DYNC2H1: variants seen among roughly 807,000 people sequenced by gnomAD.
DYNC2H1 encodes dynein cytoplasmic 2 heavy chain 1.
DYNC2H1 carries 410 observed loss-of-function variants against 570.0 expected under a neutral mutation model. The ratio of observed to expected loss-of-function variants is 0.72; its 90% CI spans 0.66 to 0.78. DYNC2H1 has a LOEUF of 0.78. Ranked by LOEUF, DYNC2H1 falls within the 30% of genes least tolerant of loss-of-function variation. The pLI is 0.00. For synonymous variants in DYNC2H1, 1,688 were observed against 1,677.6 expected, an observed-to-expected ratio of 1.01 and a Z score of -0.15; for missense variants, 4,865 against 5,046.4, an observed-to-expected ratio of 0.96 and a Z score of 1.09.
chr11:103,242,617 A>G (rs942859081), intron 63 of DYNC2H1, among the ~76,000 whole-genome samples: 4 of 152,248 alleles, frequency 2.6e-5, no homozygotes, highest in African/African-American at 7.2e-5. Flanking sequence ...AATGATTGTT[A>G]AATGACTTTT....
At chr11:103,391,998 G>A (rs1942174055) in intron 83 of DYNC2H1, among the ~76,000 whole-genome samples, 2 of 152,182 alleles carry the variant, frequency 1.3e-5, no homozygotes, top group Admixed American at 1.3e-4. Flanking sequence ...ACTCCGTGCT[G>A]GGAGAACCAC....
chr11:103,376,709 T>C (rs1186280526), intron 83 of DYNC2H1, among the ~76,000 whole-genome samples: 2 of 152,236 alleles, frequency 1.3e-5, no homozygotes, highest in Non-Finnish European at 2.9e-5. Context: ...TACTAAAGGA[T>C]TGAAAGATTT....
rs1591553287 is a variant in DYNC2H1 at position 103,307,917 on chromosome 11, A to G, written c.11493+86A>G. The G allele has an allele frequency of 8.5e-6, 5 of 588,640 alleles. No homozygotes were observed. In the East Asian group the frequency reaches 1.2e-4, roughly 14 times the overall value. 36.5% of individuals were successfully genotyped at this position (588,640 alleles called of 1,614,324 possible). A position where few individuals can be genotyped will look rare whatever the true frequency, so the allele number is the denominator to read the frequency against. On this transcript the variant is annotated intron_variant, in intron 78 of 88. Coordinates refer to ENST00000375735, the MANE Select transcript of DYNC2H1 (RefSeq NM_001377.3). ...CTAAAACTTTGTAAACAACTATTATACAGAACACACAACTTCTTTTTACAT... is the reference window on the plus strand; with the variant it reads ...CTAAAACTTTGTAAACAACTATTATGCAGAACACACAACTTCTTTTTACAT...
chr11:103,202,525 A>G (rs1055853359), intron 50 of DYNC2H1, among the ~76,000 whole-genome samples: 1 of 151,988 alleles, frequency 6.6e-6, no homozygotes, highest in African/African-American at 2.4e-5. Context: ...ATTTTTTGCT[A>G]AATTTAAGGA....
At chr11:103,474,330 A>G (rs112120888) in intron 88 of DYNC2H1, among the ~76,000 whole-genome samples, 2 of 152,188 alleles carry the variant, frequency 1.3e-5, no homozygotes, top group African/African-American at 4.8e-5. Context: ...TTCCTCTTCT[A>G]AAAAAGAACT....
intron 84 of DYNC2H1, chr11:103,402,782 C>T (rs563897034): frequency 6.6e-6 from 1 of 152,100 alleles, no homozygotes; most frequent in African/African-American, 2.4e-5. Context: ...GTAATGTTGG[C>T]TGTTAATCAC....
chr11:103,287,571 A>G lies in DYNC2H1; in HGVS notation c.11061A>G (p.Gln3687=). The G allele has an allele frequency of 6.2e-7, 1 of 1,612,092 alleles. No individual in the cohort carries two copies. Among genetic ancestry groups the G allele is most frequent in the South Asian group, 1.1e-5 (1 of 90,482 alleles). Residue 3687 remains glutamine (Q), a synonymous_variant, in exon 75 of 89, where the codon CAA becomes CAG. Transcript: ENST00000375735. ...AGGCGCTAAGACCGGACAGATTGCA[A>G]AGTGCCATGGCTCTTTTTGCATGTA... ...VVQALRPDRL[Q]SAMALFACKT... is the part of the protein sequence containing the mutation.
intron 83 of DYNC2H1, among the ~76,000 whole-genome samples, chr11:103,383,478 AT>A (rs35091786): frequency 1.1e-4 from 9 of 82,522 alleles, no homozygotes; most frequent in Non-Finnish European, 1.7e-4. Context: ...TTAAATCTTT[AT>A]TTTTTTTTTT....
chr11:103,458,801 C>G (rs558749535), intron 87 of DYNC2H1, among the ~76,000 whole-genome samples: 274 of 152,190 alleles, frequency 1.8e-3, no homozygotes, highest in Non-Finnish European at 3.2e-3. Context: ...CCCTCTTACA[C>G]TATCATTCCT....
intron 65 of DYNC2H1, among the ~76,000 whole-genome samples, chr11:103,246,621 C>T (rs1463769202): frequency 6.6e-6 from 1 of 151,964 alleles, no homozygotes; most frequent in Non-Finnish European, 1.5e-5. Flanking sequence ...TTACTTTTTC[C>T]ATCTTCTCCG....
intron 70 of DYNC2H1, among the ~76,000 whole-genome samples, chr11:103,263,022 C>CAAA (rs35912109): frequency 9.8e-3 from 389 of 39,858 alleles, no homozygotes; most frequent in Non-Finnish European, 0.012. Context: ...AAATGGAAAG[C>CAAA]AAAAAAAAAA....
chr11:103,200,236 A>T, intron 50 of DYNC2H1, 82 bp downstream of exon 50: 3 of 1,113,414 alleles, frequency 2.7e-6, no homozygotes, highest in Middle Eastern at 2.4e-4. Flanking sequence ...TGCAAAATTT[A>T]TTTGTTTTGG....
intron 83 of DYNC2H1, among the ~76,000 whole-genome samples, chr11:103,392,163 C>T (rs547122410): frequency 5.9e-5 from 9 of 152,222 alleles, no homozygotes; most frequent in East Asian, 1.9e-4. Context: ...TCGAGCTTCC[C>T]GGCCACTTTG....
At chr11:103,340,021 C>A (rs7483407) in intron 82 of DYNC2H1, among the ~76,000 whole-genome samples, 32,968 of 152,028 alleles carry the variant, frequency 0.22, 3,697 homozygotes, top group Admixed American at 0.31. Flanking sequence ...AGTGCTATGA[C>A]GCCTGGGTTT....
At chr11:103,352,900 A>G (rs536368088) in intron 82 of DYNC2H1, among the ~76,000 whole-genome samples, 11 of 152,238 alleles carry the variant, frequency 7.2e-5, no homozygotes, top group Non-Finnish European at 1.3e-4. Flanking sequence ...AATCAACCCA[A>G]TGCCCATCAA....
chr11:103,437,884 T>A (rs542272532), intron 85 of DYNC2H1, among the ~76,000 whole-genome samples: 1 of 152,214 alleles, frequency 6.6e-6, no homozygotes, highest in South Asian at 2.1e-4. Context: ...AATATATCAG[T>A]GGTACTATAA....
rs928824114 is a variant in DYNC2H1, at chr11:103,209,141, T to TC, written c.8455-735_8455-734insC. Among the ~76,000 whole-genome samples, 1 of 104,770 alleles carries TC rather than the reference T, an allele frequency of 9.5e-6. No individual in the cohort carries two copies. Among genetic ancestry groups the TC allele is most frequent in the African/African-American group, 5.2e-5 (1 of 19,156 alleles). The allele number at this position is 104,770 out of a possible 152,430, so 68.7% of individuals were successfully genotyped here. A position where few individuals can be genotyped will look rare whatever the true frequency, so the allele number is the denominator to read the frequency against. ...TCAGTCTGAGAAATTTAAAAAATGATTTTTTGACCTAATTACCAAGATCAC... is the reference window on the plus strand; with the variant it reads ...TCAGTCTGAGAAATTTAAAAAATGATCTTTTTGACCTAATTACCAAGATCAC... On this transcript the variant is annotated intron_variant, in intron 52 of 88. Coordinates refer to ENST00000375735, the MANE Select transcript of DYNC2H1 (RefSeq NM_001377.3). This position sits in a 1 kb window ranked among gnomAD's most constrained non-coding sequence, Gnocchi z 4.2.
At chr11:103,167,435 CTT>C (rs1861374247) in intron 31 of DYNC2H1, among the ~76,000 whole-genome samples, 1 of 151,722 alleles carries the variant, frequency 6.6e-6, no homozygotes, top group Non-Finnish European at 1.5e-5. Flanking sequence ...GGCTGGCTGA[CTT>C]TTTTATTTTT....
rs768145132 is a variant in DYNC2H1, at chr11:103,116,679, C to T, written c.731C>T (p.Pro244Leu). The change falls in exon 5 of 89, where the codon CCT becomes CTT. Residue 244 changes from proline (P) to leucine (L), a missense_variant. This residue lies in a region of DYNC2H1 where 1,936 missense variants were observed against 1,962.1 expected (regional missense o/e 0.99). Coordinates refer to ENST00000375735, the MANE Select transcript of DYNC2H1 (RefSeq NM_001377.3). Reference sequence around the variant, plus strand: ...AGACAAACAGAACATGATCATTATCCTGAGTCACGAATGTTGCATCTCTTA... The same window carrying T: ...AGACAAACAGAACATGATCATTATCTTGAGTCACGAATGTTGCATCTCTTA... Reference protein sequence around the residue: ...VWRQTEHDHYPESRMLHLLDI... With the variant: ...VWRQTEHDHYLESRMLHLLDI... 14 of 1,605,008 alleles carry T rather than the reference C, an allele frequency of 8.7e-6. No individual in the cohort carries two copies. The highest frequency in any genetic ancestry group is 1.2e-5 in the Non-Finnish European group (14 of 1,175,052).
Sources: allele counts gnomAD v4.1 joint callset (sites outside exome capture counted in the v4.1 genomes callset), GRCh38; gene constraint gnomAD v4.1.1; regional missense constraint gnomAD v4.1.1; non-coding constraint Gnocchi (gnomAD v3.1); transcripts MANE v1.5; gene names NCBI Gene and HGNC (gene_info 2026-07-23, HGNC 2026-07-21).